Variants in NFATC1 observed in about 807,000 individuals in gnomAD.
NFATC1 encodes nuclear factor of activated T cells 1.
Under a neutral mutation model 76.0 loss-of-function variants are expected in NFATC1, and 22 were observed. The ratio of observed to expected loss-of-function variants is 0.29; its 90% CI spans 0.21 to 0.41. NFATC1 has a LOEUF of 0.41. NFATC1 is among the 10% of genes least tolerant of loss of function. The pLI is 1.00. For synonymous variants in NFATC1, 704 were observed against 613.1 expected, an observed-to-expected ratio of 1.15 and a Z score of -2.19; for missense variants, 1,357 against 1,337.7, an observed-to-expected ratio of 1.01 and a Z score of -0.23.
Position 79,461,698 on chromosome 18 carries a change from C to T in NFATC1, c.1959+332C>T, listed in dbSNP as rs117790468. ...GTCGTCTCACACGGACCCTCCCGCC[C>T]TTTGCTGTCCCCTTGCTGTCACCAT... is the stretch of plus-strand genomic sequence containing the variant. On this transcript the variant is annotated intron_variant, in intron 7 of 9. Transcript: ENST00000427363. Among the ~76,000 whole-genome samples, 1,453 of 152,290 alleles carry T rather than the reference C, an allele frequency of 9.5e-3. 11 individuals carry two copies. The highest frequency in any genetic ancestry group is 0.013 in the Non-Finnish European group (885 of 68,004).
chr18:79,421,208 C>T (rs1355501401), intron 2 of NFATC1: 2 of 152,298 alleles, frequency 1.3e-5, no homozygotes, highest in African/African-American at 4.8e-5. Context: ...TCCCCTCTGA[C>T]CCCCATCACG....
At chr18:79,401,222 C>T (rs547465932) in intron 1 of NFATC1, among the ~76,000 whole-genome samples, 1 of 151,432 alleles carries the variant, frequency 6.6e-6, no homozygotes, top group South Asian at 2.1e-4. Flanking sequence ...ACCGTCCGCC[C>T]CTGTCTGTGC....
At chr18:79,511,001 G>T (rs2090235909) in intron 9 of NFATC1, among the ~76,000 whole-genome samples, 2 of 152,364 alleles carry the variant, frequency 1.3e-5, no homozygotes, top group East Asian at 3.9e-4. Context: ...CAGCCAGGCT[G>T]GGAGTGGTCG....
In NFATC1 at chr18:79,410,595, C is replaced by T; in HGVS notation, c.320C>T (p.Thr107Ile). The change falls in exon 2 of 10, where the codon ACC (threonine) becomes ATC (isoleucine). Residue 107 changes from threonine to isoleucine, a missense_variant. Thr to Ile is a moderately conservative substitution (Grantham distance 89, BLOSUM62 -1). Around this residue, in one of 3 missense-constraint regions of NFATC1, gnomAD observed 691 missense variants for 613.1 expected, o/e 1.13. Transcript: ENST00000427363. The surrounding 1 kb of genome is among the most constrained non-coding windows in gnomAD (Gnocchi z 6.7). ...PAGYFLSSGH[T>I]RPDGAPALES... ...GGCTACTTCCTCTCCTCCGGCCACA[C>T]CAGGCCTGATGGGGCCCCTGCCCTG... 1.9e-6 allele frequency: 3 copies of T among 1,612,704 alleles called. No homozygotes were observed. Among genetic ancestry groups the T allele is most frequent in the Non-Finnish European group, 2.5e-6 (3 of 1,179,996 alleles).
rs990191404 is a variant in NFATC1 at position 79,524,576 on chromosome 18, C to T, written c.2783-2952C>T. ...GGCGCTGGGACGGGGTCGGCCCACA[C>T]GCACCGCCAGCCCGCAGGAGTGAGG... On this transcript the variant is annotated intron_variant, in intron 9 of 9. Coordinates refer to ENST00000427363, the MANE Select transcript of NFATC1 (RefSeq NM_001278669.2). The surrounding 1 kb of genome is among the most constrained non-coding windows in gnomAD (Gnocchi z 7.2). Among the ~76,000 whole-genome samples, 9 of 152,178 alleles carry T rather than the reference C, an allele frequency of 5.9e-5. No individual in the cohort carries two copies. Among genetic ancestry groups the T allele is most frequent in the African/African-American group, 1.9e-4 (8 of 41,438 alleles).
chr18:79,474,922 C>T (rs1271702961), intron 8 of NFATC1, among the ~76,000 whole-genome samples: 2 of 135,892 alleles, frequency 1.5e-5, no homozygotes, highest in South Asian at 4.6e-4. Flanking sequence ...TTCTCACGCT[C>T]GCTGTCAACG....
chr18:79,489,612 G>A (rs953931284), intron 9 of NFATC1, among the ~76,000 whole-genome samples: 9 of 152,226 alleles, frequency 5.9e-5, no homozygotes, highest in African/African-American at 2.2e-4. Flanking sequence ...TTGCCGTGGT[G>A]ATCCTCCCCA....
In NFATC1 at chr18:79,519,869, G is replaced by A. The variant is rs530760748; in HGVS notation, c.2783-7659G>A. On this transcript the variant is annotated intron_variant, in intron 9 of 9. Transcript: ENST00000427363. ...TATTTTCACTTTATTCAGAGGCCCT[G>A]TTAGTCACAGCCAAGCACAGACGTG... Among the ~76,000 whole-genome samples the A allele has an allele frequency of 9.6e-4, 146 of 152,332 alleles. 1 individual carries two copies. Among genetic ancestry groups the A allele is most frequent in the African/African-American group, 3.4e-3 (143 of 41,578 alleles).
chr18:79,439,317 C>T (rs2086890485), intron 3 of NFATC1, among the ~76,000 whole-genome samples: 1 of 152,188 alleles, frequency 6.6e-6, no homozygotes, highest in African/African-American at 2.4e-5. Context: ...TGTGCTATTG[C>T]AGAACCTCAA....
intron 6 of NFATC1, among the ~76,000 whole-genome samples, chr18:79,459,707 G>T (rs1444813117): frequency 6.6e-6 from 1 of 152,168 alleles, no homozygotes; most frequent in East Asian, 1.9e-4. Flanking sequence ...TTTGTGGGGT[G>T]TGGACGGGGC....
At chr18:79,424,799 GTGTC>G (rs1389221124) in intron 2 of NFATC1, among the ~76,000 whole-genome samples, 14 of 103,110 alleles carry the variant, frequency 1.4e-4, no homozygotes, top group South Asian at 1.1e-3. Flanking sequence ...CTGACTCTCT[GTGTC>G]TGTCTGTCTC....
At chr18:79,523,042 C>T (rs529572836) in intron 9 of NFATC1, among the ~76,000 whole-genome samples, 1 of 152,338 alleles carries the variant, frequency 6.6e-6, no homozygotes, top group East Asian at 1.9e-4. Context: ...TTCCCACTCT[C>T]CGAGCCCTCC....
At position 79,463,307 on chromosome 18, in the gene NFATC1, A is replaced by G. The variant is rs146886090; in HGVS notation, c.1959+1941A>G. 8.2e-3 allele frequency among the ~76,000 whole-genome samples: 1,252 copies of G among 152,342 alleles called. 8 individuals carry two copies. Among genetic ancestry groups the G allele is most frequent in the Middle Eastern group, 0.031 (9 of 294 alleles). ...GAGGCCCCAGGGCAGGCCAGTGTTC[A>G]GAGGAAGGAGTCCCGGCCTACACGG... On this transcript the variant is annotated intron_variant, in intron 7 of 9. Transcript: ENST00000427363.
chr18:79,503,901 A>T (rs1309374871), intron 9 of NFATC1, among the ~76,000 whole-genome samples: 1 of 152,160 alleles, frequency 6.6e-6, no homozygotes, highest in Non-Finnish European at 1.5e-5. Context: ...TGGTATGGAG[A>T]TGGCTTCTTT....
At chr18:79,484,553 G>A (rs2089440043) in intron 8 of NFATC1, among the ~76,000 whole-genome samples, 1 of 152,182 alleles carries the variant, frequency 6.6e-6, no homozygotes, top group East Asian at 1.9e-4. Flanking sequence ...TGTGCAGGGC[G>A]GACGCTTTAA....
In NFATC1 at chr18:79,474,764, C is replaced by T. The variant is rs575498975; in HGVS notation, c.2092+7182C>T. ...TAAACCTGAGGGAAGCGTGTTCTCA[C>T]GCTCACTGTCGACGTTGCGAGGGAA... On this transcript the variant is annotated intron_variant, in intron 8 of 9. Coordinates refer to ENST00000427363, the MANE Select transcript of NFATC1 (RefSeq NM_001278669.2). 4.1e-4 allele frequency among the ~76,000 whole-genome samples: 62 copies of T among 149,634 alleles called. 1 individual carries two copies. The highest frequency in any genetic ancestry group is 1.5e-3 in the African/African-American group (59 of 40,004).
intron 1 of NFATC1, among the ~76,000 whole-genome samples, chr18:79,403,490 G>A (rs1263314547): frequency 4.6e-5 from 7 of 152,236 alleles, no homozygotes; most frequent in African/African-American, 9.6e-5. Context: ...TAGCTGCTTC[G>A]CTGTCAGCTG....
intron 2 of NFATC1, among the ~76,000 whole-genome samples, chr18:79,416,690 C>G (rs959718735): frequency 1.3e-4 from 20 of 152,342 alleles, no homozygotes; most frequent in African/African-American, 4.6e-4. Flanking sequence ...GCTGGAACGG[C>G]TCAGGACTGA....
intron 9 of NFATC1, among the ~76,000 whole-genome samples, chr18:79,515,630 A>G (rs1056662454): frequency 1.3e-5 from 2 of 151,818 alleles, no homozygotes; most frequent in East Asian, 1.9e-4. Flanking sequence ...CCCTACAAAG[A>G]AGGAGGCCGC....
Sources: allele counts gnomAD v4.1 joint callset (sites outside exome capture counted in the v4.1 genomes callset), GRCh38; gene constraint gnomAD v4.1.1; regional missense constraint gnomAD v4.1.1; non-coding constraint Gnocchi (gnomAD v3.1); transcripts MANE v1.5; gene names NCBI Gene and HGNC (gene_info 2026-07-23, HGNC 2026-07-21).